Variants in GMDS observed in about 807,000 individuals in gnomAD.
GMDS encodes the protein GDP-mannose 4,6-dehydratase.
GMDS carries 20 observed loss-of-function variants against 49.9 expected under a neutral mutation model. The ratio of observed to expected loss-of-function variants is 0.40; its 90% confidence interval spans 0.28 to 0.58. The LOEUF is 0.58. GMDS is among the 20% of genes least tolerant of loss of function. The pLI is 0.42. For synonymous variants in GMDS, 177 were observed against 178.6 expected (o/e 0.99, Z 0.07); for missense variants, 362 against 481.4 (o/e 0.75, Z 2.32).
chr6:1,815,280 TA>T (rs1471075683), intron 7 of GMDS, among the ~76,000 whole-genome samples: 8 of 152,310 alleles, frequency 5.3e-5, no homozygotes, highest in African/African-American at 1.9e-4. Flanking sequence ...GCCATATAAG[TA>T]AAAAATTTAC....
At chr6:1,890,438 T>C (rs1759817307) in intron 7 of GMDS, among the ~76,000 whole-genome samples, 1 of 152,188 alleles carries the variant, frequency 6.6e-6, no homozygotes, top group African/African-American at 2.4e-5. Context: ...TTCTTATTCT[T>C]GAGTTGTAAG....
At chr6:1,638,047 C>T (rs966117998) in intron 9 of GMDS, among the ~76,000 whole-genome samples, 1 of 152,208 alleles carries the variant, frequency 6.6e-6, no homozygotes, top group Non-Finnish European at 1.5e-5. Flanking sequence ...CATGCGTTCA[C>T]CACCAGGTAG....
At chr6:1,858,982 T>G (rs922172786) in intron 7 of GMDS, among the ~76,000 whole-genome samples, 1 of 152,104 alleles carries the variant, frequency 6.6e-6, no homozygotes, top group Non-Finnish European at 1.5e-5. Flanking sequence ...GGCAGGCACT[T>G]AACTGAGATG....
At chr6:2,107,553 C>G (rs530182928) in intron 4 of GMDS, among the ~76,000 whole-genome samples, 6 of 152,292 alleles carry the variant, frequency 3.9e-5, no homozygotes, top group African/African-American at 1.4e-4. Context: ...TGCGCTGTAA[C>G]AAATAAAAGT....
chr6:1,749,696 C>T lies in GMDS; in HGVS notation c.772-7110G>A, dbSNP rs562696270. Among the ~76,000 whole-genome samples the T allele has an allele frequency of 4.6e-5, 7 of 152,260 alleles. No homozygotes were observed. In the South Asian group the frequency reaches 1.5e-3, roughly 32 times the overall value. ...TGGGTATCTATGAGGATAGTTTCTG[C>T]TTCTCTCTAATAGGTAATACTATTT... On this transcript the variant is annotated intron_variant, in intron 7 of 10. Transcript: ENST00000380815.
chr6:1,651,947 C>G (rs1413698015), intron 9 of GMDS, among the ~76,000 whole-genome samples: 1 of 112,724 alleles, frequency 8.9e-6, no homozygotes, highest in Non-Finnish European at 1.9e-5. Context: ...GTCTCCTGCA[C>G]TGGCACGTGC....
At chr6:1,781,975 C>G (rs942818979) in intron 7 of GMDS, among the ~76,000 whole-genome samples, 1 of 152,086 alleles carries the variant, frequency 6.6e-6, no homozygotes, top group Non-Finnish European at 1.5e-5. Context: ...CACCTCGCCG[C>G]CAAGTTCAAC....
intron 1 of GMDS, among the ~76,000 whole-genome samples, chr6:2,204,930 T>C (rs912553781): frequency 1.3e-5 from 2 of 152,250 alleles, no homozygotes; most frequent in Non-Finnish European, 2.9e-5. Context: ...CTAAAATTTA[T>C]GAATACCATT....
chr6:1,769,005 A>G (rs919199932), intron 7 of GMDS, among the ~76,000 whole-genome samples: 3 of 152,250 alleles, frequency 2.0e-5, no homozygotes, highest in East Asian at 1.9e-4. Flanking sequence ...AGAGGAAATA[A>G]CAGCTTACTC....
chr6:1,650,223 G>A (rs1763609885), intron 9 of GMDS, among the ~76,000 whole-genome samples: 1 of 151,968 alleles, frequency 6.6e-6, no homozygotes, highest in Non-Finnish European at 1.5e-5. Flanking sequence ...AACTTTCAGG[G>A]CAGCCGTGAG....
rs1771624821 is a variant in GMDS at position 2,066,790 on chromosome 6, C to T, written c.345+48981G>A. On this transcript the variant is annotated intron_variant, in intron 4 of 10. Transcript: ENST00000380815. ...AAGTCCTGAGTGAACTACAAAGAGACTTAGACTCCCACACATTAATAATGG... is the reference window on the plus strand; with the variant it reads ...AAGTCCTGAGTGAACTACAAAGAGATTTAGACTCCCACACATTAATAATGG... 2.6e-5 allele frequency among the ~76,000 whole-genome samples: 4 copies of T among 152,108 alleles called. No homozygotes were observed. The South Asian group carries it at 8.3e-4, about 32-fold the overall frequency.
chr6:2,185,574 C>T (rs923036737), intron 1 of GMDS, among the ~76,000 whole-genome samples: 1 of 152,182 alleles, frequency 6.6e-6, no homozygotes, highest in Non-Finnish European at 1.5e-5. Flanking sequence ...TCATTTTCCA[C>T]AGCTAAACTG....
chr6:1,974,607 T>C (rs565904627), intron 4 of GMDS, among the ~76,000 whole-genome samples: 2 of 152,292 alleles, frequency 1.3e-5, no homozygotes, highest in African/African-American at 2.4e-5. Context: ...AAGGAGCCTC[T>C]TGATCTAACA....
intron 1 of GMDS, among the ~76,000 whole-genome samples, chr6:2,219,772 T>C (rs1315291060): frequency 1.3e-5 from 2 of 152,192 alleles, no homozygotes; most frequent in Non-Finnish European, 2.9e-5. Flanking sequence ...ATCATGAATA[T>C]TGCTCCTGAG....
chr6:1,949,589 T>C (rs910691448), intron 6 of GMDS, among the ~76,000 whole-genome samples: 2 of 152,254 alleles, frequency 1.3e-5, no homozygotes, highest in Non-Finnish European at 2.9e-5. Flanking sequence ...AAGTCTTTTA[T>C]GTTTAAGCAA....
intron 7 of GMDS, among the ~76,000 whole-genome samples, chr6:1,801,348 T>G (rs1276219880): frequency 6.6e-6 from 1 of 152,216 alleles, no homozygotes; most frequent in Non-Finnish European, 1.5e-5. Flanking sequence ...CACAGATTTT[T>G]GTGATTGTTA....
rs115649900 is a variant in GMDS at position 2,171,847 on chromosome 6, G to T, written c.103-47116C>A. ...TAAGGTAAAAAGATAATAGGATAAT[G>T]TAAGGAGATGAACAAAATAAGGAAG... is the stretch of plus-strand genomic sequence containing the variant. On this transcript the variant is annotated intron_variant, in intron 1 of 10. Coordinates refer to ENST00000380815, the MANE Select transcript of GMDS (RefSeq NM_001500.4). 5.7e-3 allele frequency among the ~76,000 whole-genome samples: 865 copies of T among 152,302 alleles called. 2 individuals are homozygous for T. The highest frequency in any genetic ancestry group is 0.017 in the Middle Eastern group (5 of 294).
At chr6:1,710,377 T>C (rs1044842964) in intron 9 of GMDS, among the ~76,000 whole-genome samples, 5 of 152,222 alleles carry the variant, frequency 3.3e-5, no homozygotes, top group Non-Finnish European at 1.5e-5. Context: ...CTAAAACAGC[T>C]AGTTGATTTT....
intron 7 of GMDS, among the ~76,000 whole-genome samples, chr6:1,789,431 A>G (rs182716277): frequency 2.9e-4 from 44 of 152,340 alleles, no homozygotes; most frequent in East Asian, 1.5e-3. Flanking sequence ...GGAAATGCCA[A>G]GGATGTAGTC....
Sources: gnomAD v4.1 joint callset for allele counts (sites outside exome capture counted in the v4.1 genomes callset) on GRCh38, gnomAD v4.1.1 for gene constraint, MANE v1.5 for transcripts, NCBI Gene and HGNC (gene_info 2026-07-23, HGNC 2026-07-21) for gene names.